Variants in PRKAB2 observed in about 807,000 individuals in gnomAD.
PRKAB2 encodes 5'-AMP-activated protein kinase subunit beta-2.
In PRKAB2, 18 loss-of-function variants were observed where a neutral mutation model predicts 29.8. That is an observed-to-expected ratio of 0.60 (90% confidence interval 0.42 to 0.89). The LOEUF is 0.89. Among genes scored for constraint, PRKAB2 ranks in the 40% least tolerant of loss-of-function variants. The pLI is 0.00. For missense variants in PRKAB2, 270 were observed against 344.3 expected, an observed-to-expected ratio of 0.78 and a Z score of 1.71; for synonymous variants, 136 against 125.9, an observed-to-expected ratio of 1.08 and a Z score of -0.54.
chr1:147,166,962 A>C, intron 3 of PRKAB2, 23 bp from the exon 4 acceptor site: 2 of 1,581,232 alleles, frequency 1.3e-6, no homozygotes, highest in Non-Finnish European at 1.7e-6. Context: ...AAAGAAAGGC[A>C]AACAGGCCAA....
chr1:147,158,710 G>A lies in PRKAB2; in HGVS notation c.*855C>T, dbSNP rs1432698810. ...GGCCAGGCAAAGTGGGAAAACTTTC[G>A]GGAATTTGCCAATACAGCCTGAGCC... On this transcript the variant is annotated 3_prime_UTR_variant, in exon 8 of 8. Coordinates refer to ENST00000254101, the MANE Select transcript of PRKAB2 (RefSeq NM_005399.5). The A allele has an allele frequency of 4.6e-5, 7 of 152,120 alleles. No individual in the cohort carries two copies. The highest frequency in any genetic ancestry group is 1.9e-4 in the East Asian group (1 of 5,198). The allele number at this position is 152,120 out of a possible 1,614,324, so 9.4% of individuals were successfully genotyped here. A position where few individuals can be genotyped will look rare whatever the true frequency, so the allele number is the denominator to read the frequency against.
chr1:147,169,355 G>A (rs1654403596), intron 2 of PRKAB2, among the ~76,000 whole-genome samples: 1 of 152,080 alleles, frequency 6.6e-6, no homozygotes, highest in Non-Finnish European at 1.5e-5. Context: ...TTCACATAAG[G>A]AATTGACTTA....
At chr1:147,167,540 G>C (rs147543746) in intron 3 of PRKAB2, among the ~76,000 whole-genome samples, 1 of 152,226 alleles carries the variant, frequency 6.6e-6, no homozygotes, top group East Asian at 1.9e-4. Context: ...TAGCCATAAA[G>C]CTATTATGAA....
At chr1:147,163,384 A>T (rs1654066754) in intron 5 of PRKAB2, among the ~76,000 whole-genome samples, 1 of 152,242 alleles carries the variant, frequency 6.6e-6, no homozygotes, top group Non-Finnish European at 1.5e-5. Context: ...CTACACAAAA[A>T]CTTGTACACC....
intron 2 of PRKAB2, among the ~76,000 whole-genome samples, chr1:147,169,142 T>G (rs1654392687): frequency 6.6e-6 from 1 of 152,208 alleles, no homozygotes; most frequent in Non-Finnish European, 1.5e-5. Context: ...TAAGACTGTA[T>G]AGTATTAAGC....
chr1:147,170,656 T>G (rs1441071622), intron 2 of PRKAB2, among the ~76,000 whole-genome samples: 6 of 152,084 alleles, frequency 3.9e-5, no homozygotes, highest in Non-Finnish European at 8.8e-5. Context: ...CTAAACTCAC[T>G]GCAACCACCG....
intron 3 of PRKAB2, among the ~76,000 whole-genome samples, chr1:147,167,456 A>C (rs1166467905): frequency 6.6e-6 from 1 of 152,260 alleles, no homozygotes; most frequent in Non-Finnish European, 1.5e-5. Flanking sequence ...AAGTCAGAGC[A>C]ACAAGACTCA....
At chr1:147,163,085 G>A (rs1204083248) in intron 5 of PRKAB2, among the ~76,000 whole-genome samples, 1 of 151,996 alleles carries the variant, frequency 6.6e-6, no homozygotes, top group African/African-American at 2.4e-5. Flanking sequence ...CAACAATAAG[G>A]ACAAAATGTA....
At chr1:147,169,343 C>G (rs1654402997) in intron 2 of PRKAB2, among the ~76,000 whole-genome samples, 1 of 152,134 alleles carries the variant, frequency 6.6e-6, no homozygotes. Flanking sequence ...ATTGAAAGGA[C>G]TTTCACATAA....
rs1362533173 is a variant in PRKAB2, at chr1:147,159,358, A to AT, written c.*206dup. The stretch of plus-strand genomic sequence containing the variant: ...CCATTTACCTTCTTCTCATATGTAT[A>AT]TTTTTTTTTCTTAAAATAAATTCCG... On this transcript the variant is annotated 3_prime_UTR_variant, in exon 8 of 8. Coordinates refer to ENST00000254101, the MANE Select transcript of PRKAB2 (RefSeq NM_005399.5). 1.6e-3 allele frequency: 806 copies of AT among 504,626 alleles called. No homozygotes were observed. Among genetic ancestry groups the AT allele is most frequent in the South Asian group, 2.7e-3 (85 of 31,504 alleles). 31.3% of individuals were successfully genotyped at this position (504,626 alleles called of 1,614,324 possible).
chr1:147,159,952 A>G (rs1338091794), intron 7 of PRKAB2, among the ~76,000 whole-genome samples: 6 of 152,174 alleles, frequency 3.9e-5, no homozygotes, highest in African/African-American at 1.4e-4. Flanking sequence ...GGCTGAAGAA[A>G]TAATAGTCTC....
At chr1:147,165,199 GTAT>G (rs1553913535) in intron 5 of PRKAB2, among the ~76,000 whole-genome samples, 1 of 152,066 alleles carries the variant, frequency 6.6e-6, no homozygotes, top group African/African-American at 2.4e-5. Flanking sequence ...CTAATTTTTC[GTAT>G]TTTTTAGTAG....
intron 6 of PRKAB2, 49 bp downstream of exon 6, chr1:147,162,391 A>AAG: frequency 6.5e-7 from 1 of 1,548,068 alleles, no homozygotes; most frequent in Non-Finnish European, 8.8e-7. Context: ...CTTTGGTCCA[A>AAG]ATGGTCCTAG....
intron 2 of PRKAB2, among the ~76,000 whole-genome samples, chr1:147,170,901 A>C (rs1654504997): frequency 1.3e-5 from 2 of 152,200 alleles, no homozygotes; most frequent in South Asian, 4.1e-4. Context: ...TTATCAATTG[A>C]GATCCAAAGA....
rs1553912833 is a variant in PRKAB2 at position 147,159,609 on chromosome 1, A to G, written c.775T>C (p.Tyr259His). 4 of 1,613,494 alleles carry G rather than the reference A, an allele frequency of 2.5e-6. No individual in the cohort carries two copies. The highest frequency in any genetic ancestry group is 2.7e-5 in the African/African-American group (2 of 74,896). ...SVMVLSATHR[Y>H]KKKYVTTLLY... ...AGAGTAGTAACATACTTCTTCTTGT[A>G]GCGATGGGTTGCGCTAAGGACCATC... The change falls in exon 8 of 8, where the codon TAC becomes CAC. Residue 259 changes from tyrosine (Y) to histidine (H), a missense_variant. By Grantham distance (83) the Tyr-to-His change is moderately conservative. Around this residue, in one of 2 missense-constraint regions of PRKAB2, gnomAD observed 42 missense variants for 88.8 expected, o/e 0.47. Coordinates refer to ENST00000254101, the MANE Select transcript of PRKAB2 (RefSeq NM_005399.5).
In PRKAB2 at chr1:147,167,684, A is replaced by G; in HGVS notation, c.323+83T>C. The G allele has an allele frequency of 2.7e-6, 4 of 1,487,336 alleles. No homozygotes were observed. The South Asian group carries it at 5.4e-5, about 20-fold the overall frequency. The allele number at this position is 1,487,336 out of a possible 1,614,324, so 92.1% of individuals were successfully genotyped here. On this transcript the variant is annotated intron_variant, in intron 3 of 7. Coordinates refer to ENST00000254101, the MANE Select transcript of PRKAB2 (RefSeq NM_005399.5). ...AGAGACAGTCCTTAGTAGGTGGAGA[A>G]AAGTCCAGCTGGGTCTCTCTTCTGA...
In PRKAB2 at chr1:147,155,667, C is replaced by T. The variant is rs587663386; in HGVS notation, c.*3898G>A. 6.6e-6 allele frequency: 1 copy of T among 152,590 alleles called. No individual in the cohort carries two copies. Among genetic ancestry groups the T allele is most frequent in the South Asian group, 2.1e-4 (1 of 4,820 alleles). The allele number at this position is 152,590 out of a possible 1,614,324, so 9.5% of individuals were successfully genotyped here. A position where few individuals can be genotyped will look rare whatever the true frequency, so the allele number is the denominator to read the frequency against. On this transcript the variant is annotated 3_prime_UTR_variant, in exon 8 of 8. Coordinates refer to ENST00000254101, the MANE Select transcript of PRKAB2 (RefSeq NM_005399.5). ...ATCCATAGTGTTTAGTATTTCACACCAATCTTACTGCAAAAGTGCTGTGCT... is the reference window on the plus strand; with the variant it reads ...ATCCATAGTGTTTAGTATTTCACACTAATCTTACTGCAAAAGTGCTGTGCT...
chr1:147,172,345 A>G (rs587623092), intron 1 of PRKAB2, 84 bp downstream of exon 1: 2 of 703,352 alleles, frequency 2.8e-6, no homozygotes, highest in East Asian at 6.1e-5. Flanking sequence ...CGGTGCCCTC[A>G]CTGGCCCTAG....
intron 7 of PRKAB2, among the ~76,000 whole-genome samples, chr1:147,160,034 A>G (rs1168366946): frequency 6.6e-6 from 1 of 152,162 alleles, no homozygotes; most frequent in Non-Finnish European, 1.5e-5. Flanking sequence ...AAAAAAGAAC[A>G]AAATATTCTG....
Sources: allele counts gnomAD v4.1 joint callset (sites outside exome capture counted in the v4.1 genomes callset), GRCh38; gene constraint gnomAD v4.1.1; regional missense constraint gnomAD v4.1.1; transcripts MANE v1.5; gene names NCBI Gene and HGNC (gene_info 2026-07-23, HGNC 2026-07-21).